The following SERPINB8 variants were observed in gnomAD, a reference collection of about 807,000 sequenced individuals.
SERPINB8 encodes the protein serpin family B member 8, also known as serpin B8.
In SERPINB8, 25 loss-of-function variants were observed where a neutral mutation model predicts 35.3. That is an observed-to-expected ratio of 0.71 (90% CI 0.52 to 0.99). SERPINB8 has a LOEUF of 0.99. SERPINB8 is among the 50% of genes least tolerant of loss of function. SERPINB8 has a pLI of 0.00. For missense variants in SERPINB8, 484 were observed against 446.5 expected (o/e 1.08, Z -0.76); for synonymous variants, 186 against 160.8 (o/e 1.16, Z -1.19).
chr18:63,985,072 GAACTTTAATT>G lies in SERPINB8; in HGVS notation c.568-20_568-11del. ...AAATTATACCCACTTTTCAGTAATCGAACTTTAATTTTTCCGTTAGGAAAAAAAGACAGTG... is the reference window on the plus strand; with the variant it reads ...AAATTATACCCACTTTTCAGTAATCGTTTCCGTTAGGAAAAAAAGACAGTG... On this transcript the variant is annotated splice_polypyrimidine_tract_variant and intron_variant, in intron 5 of 6. Transcript: ENST00000397985. 6.2e-7 allele frequency: 1 copy of G among 1,611,528 alleles called. No homozygotes were observed. The highest frequency in any genetic ancestry group is 1.1e-5 in the South Asian group (1 of 90,882).
At chr18:64,012,588 T>TGC (rs201102215) in intron 7 of SERPINB8, among the ~76,000 whole-genome samples, 39 of 107,352 alleles carry the variant, frequency 3.6e-4, no homozygotes, top group East Asian at 8.9e-4. Flanking sequence ...TGTGTGTGTG[T>TGC]GTGCGTGTGT....
At position 63,979,800 on chromosome 18, in the gene SERPINB8, G is replaced by A; in HGVS notation, c.169-1G>A. 2 of 1,614,002 alleles carry A rather than the reference G, an allele frequency of 1.2e-6. No homozygotes were observed. The highest frequency in any genetic ancestry group is 1.3e-5 in the African/African-American group (1 of 75,010). On this transcript the variant is annotated splice_acceptor_variant, in intron 2 of 6. Transcript: ENST00000397985. LOFTEE classifies it high-confidence loss of function. ...AAGTCAGTGTTGGTTTCTGTTCCCA[G>A]GCACTTTGTTTATACAAAGACGGAG... is the stretch of plus-strand genomic sequence containing the variant.
chr18:63,982,930 C>A (rs2050694430), intron 4 of SERPINB8, among the ~76,000 whole-genome samples: 1 of 151,790 alleles, frequency 6.6e-6, no homozygotes, highest in Non-Finnish European at 1.5e-5. Flanking sequence ...GCCCCATTCA[C>A]CCCCTTCAGA....
At chr18:63,990,967 A>AT, downstream of SERPINB8, among the ~76,000 whole-genome samples, 1 of 152,312 alleles carries the variant, frequency 6.6e-6, no homozygotes, top group Non-Finnish European at 1.5e-5. Flanking sequence ...TTTGCATATG[A>AT]TGAAAATGCT....
chr18:64,000,541 G>A (rs1489798183), intron 1 of SERPINB8, among the ~76,000 whole-genome samples: 1 of 152,152 alleles, frequency 6.6e-6, no homozygotes, highest in African/African-American at 2.4e-5. Flanking sequence ...GATCTCGGGA[G>A]GGAGGCACCA....
chr18:64,016,439 GTTTGTTTTTTA>G (rs1568084645), intron 7 of SERPINB8, among the ~76,000 whole-genome samples: 1 of 152,004 alleles, frequency 6.6e-6, no homozygotes, highest in African/African-American at 2.4e-5. Context: ...TTTGTTTTTT[GTTTGTTTTTTA>G]TTTGTTTATT....
At chr18:64,011,307 T>C (rs763406290) in intron 7 of SERPINB8, among the ~76,000 whole-genome samples, 1 of 151,982 alleles carries the variant, frequency 6.6e-6, no homozygotes, top group East Asian at 1.9e-4. Context: ...GCTATTAATA[T>C]AAAAAAGTAG....
chr18:63,974,210 G>A (rs2144787783), intron 1 of SERPINB8, among the ~76,000 whole-genome samples: 1 of 152,192 alleles, frequency 6.6e-6, no homozygotes, highest in East Asian at 1.9e-4. Context: ...TCCTGTTATA[G>A]AGCACCTGAC....
intron 1 of SERPINB8, among the ~76,000 whole-genome samples, chr18:63,996,345 G>A (rs974481072): frequency 1.3e-5 from 2 of 152,172 alleles, no homozygotes; most frequent in African/African-American, 4.8e-5. Context: ...GCTCAAGCCT[G>A]TGGTGCCATT....
At chr18:64,013,994 T>C (rs1360103442) in intron 7 of SERPINB8, among the ~76,000 whole-genome samples, 1 of 152,202 alleles carries the variant, frequency 6.6e-6, no homozygotes, top group Non-Finnish European at 1.5e-5. Context: ...TGGCACCTTT[T>C]AAAGAGTTTT....
intron 1 of SERPINB8, among the ~76,000 whole-genome samples, chr18:63,997,089 A>C (rs1303989947): frequency 2.2e-5 from 3 of 134,428 alleles, no homozygotes; most frequent in Non-Finnish European, 4.6e-5. Context: ...CATAGTAGAA[A>C]AATAACATCA....
chr18:63,987,109 T>G lies in SERPINB8; in HGVS notation c.956T>G (p.Val319Gly), dbSNP rs752406977. The change falls in exon 7 of 7, where the codon GTG (valine) becomes GGG (glycine). Residue 319 changes from valine to glycine, a missense_variant. Physicochemically the swap from Val to Gly is moderately radical, Grantham distance 109. Coordinates refer to ENST00000397985, the MANE Select transcript of SERPINB8 (RefSeq NM_002640.4). Reference sequence around the variant, plus strand: ...TCCAAGGTTGCCCACAAGTGCTTCGTGGAGGTCAATGAGGAAGGCACAGAG... The same window carrying G: ...TCCAAGGTTGCCCACAAGTGCTTCGGGGAGGTCAATGAGGAAGGCACAGAG... ...PLSKVAHKCF[V>G]EVNEEGTEAA... is the part of the protein sequence containing the mutation. 4.3e-6 allele frequency: 7 copies of G among 1,614,184 alleles called. No homozygotes were observed. The East Asian group carries it at 1.1e-4, about 26-fold the overall frequency.
At position 63,985,148 on chromosome 18, in the gene SERPINB8, C is replaced by A; in HGVS notation, c.623C>A (p.Ala208Glu). The change falls in exon 6 of 7, where the codon GCG becomes GAG. Residue 208 changes from alanine (A) to glutamate (E), a missense_variant. By Grantham distance (107) the Ala-to-Glu change is moderately radical. Transcript: ENST00000397985. ...GAAGCTAAGTTTAAAATGGGGTATG[C>A]GGATGAGGTACACACCCAGGTCCTG... ...FKEAKFKMGY[A>E]DEVHTQVLEL... 1 of 1,614,062 alleles carries A rather than the reference C, an allele frequency of 6.2e-7. No homozygotes were observed. Among genetic ancestry groups the A allele is most frequent in the Non-Finnish European group, 8.5e-7 (1 of 1,179,952 alleles).
chr18:64,002,503 G>A (rs906728163), intron 1 of SERPINB8, among the ~76,000 whole-genome samples: 3 of 152,184 alleles, frequency 2.0e-5, no homozygotes, highest in Admixed American at 6.5e-5. Context: ...GCGTGGATGA[G>A]TCCTTTGCAC....
At chr18:63,976,799 G>A (rs1432885702) in intron 1 of SERPINB8, among the ~76,000 whole-genome samples, 1 of 152,104 alleles carries the variant, frequency 6.6e-6, no homozygotes, top group Admixed American at 6.5e-5. Flanking sequence ...CAAGATTAGG[G>A]CTTCATATTT....
chr18:64,012,590 T>TGTGTGC (rs1555659863), intron 7 of SERPINB8, among the ~76,000 whole-genome samples: 61 of 151,386 alleles, frequency 4.0e-4, no homozygotes, highest in African/African-American at 1.4e-3. Context: ...TGTGTGTGTG[T>TGTGTGC]GCGTGTGTGT....
At chr18:64,003,173 G>T (rs927999169) in intron 1 of SERPINB8, among the ~76,000 whole-genome samples, 4 of 152,150 alleles carry the variant, frequency 2.6e-5, no homozygotes, top group Non-Finnish European at 5.9e-5. Flanking sequence ...CTTTTATTCA[G>T]TTCCACGTTG....
chr18:63,971,326 C>A (rs2050476300), intron 1 of SERPINB8, among the ~76,000 whole-genome samples: 1 of 152,236 alleles, frequency 6.6e-6, no homozygotes, highest in Non-Finnish European at 1.5e-5. Context: ...ATGCTGATGG[C>A]TCCAGGTCTC....
At chr18:64,009,813 A>G (rs1172520141), downstream of SERPINB8, among the ~76,000 whole-genome samples, 1 of 152,222 alleles carries the variant, frequency 6.6e-6, no homozygotes, top group Non-Finnish European at 1.5e-5. Context: ...TAATAAGTTA[A>G]CTGTTGAAAA....
Sources: allele counts gnomAD v4.1 joint callset (sites outside exome capture counted in the v4.1 genomes callset), GRCh38; gene constraint gnomAD v4.1.1; transcripts MANE v1.5; gene names NCBI Gene and HGNC (gene_info 2026-07-23, HGNC 2026-07-21).